Variants in PDGFRL observed in about 807,000 individuals in gnomAD.
PDGFRL encodes platelet derived growth factor receptor like.
A neutral mutation model predicts 37.2 loss-of-function variants in PDGFRL; 46 were observed. The observed-to-expected ratio is 1.24, with a 90% CI of 0.98 to 1.58. The LOEUF (loss-of-function observed/expected upper bound fraction) is 1.58, where lower values mean the gene tolerates loss of function less well. Among genes scored for constraint, PDGFRL ranks in the 40% most tolerant of loss-of-function variants. PDGFRL has a pLI of 0.00. For missense variants in PDGFRL, 692 were observed against 467.6 expected, an observed-to-expected ratio of 1.48 and a Z score of -4.43; for synonymous variants, 251 against 184.3, an observed-to-expected ratio of 1.36 and a Z score of -2.93.
intron 4 of PDGFRL, among the ~76,000 whole-genome samples, chr8:17,632,377 G>A (rs1255046072): frequency 1.3e-5 from 2 of 149,630 alleles, no homozygotes; most frequent in African/African-American, 5.0e-5. Flanking sequence ...TCTTGGCTCT[G>A]TTGCCCAGGC....
At chr8:17,617,951 C>A (rs1040727986) in intron 2 of PDGFRL, among the ~76,000 whole-genome samples, 24 of 151,852 alleles carry the variant, frequency 1.6e-4, no homozygotes, top group Non-Finnish European at 2.8e-4. Flanking sequence ...AAATTATTGT[C>A]CACATGGGGA....
intron 2 of PDGFRL, among the ~76,000 whole-genome samples, chr8:17,612,406 C>G (rs1378947126): frequency 1.3e-5 from 2 of 152,074 alleles, no homozygotes; most frequent in African/African-American, 4.8e-5. Flanking sequence ...GTGTCTCACT[C>G]TGTTGCCCAG....
chr8:17,606,334 C>T (rs933020035), intron 2 of PDGFRL, among the ~76,000 whole-genome samples: 2 of 152,058 alleles, frequency 1.3e-5, no homozygotes, highest in African/African-American at 2.4e-5. Flanking sequence ...CTCCAAAGCT[C>T]GTTTTATTTT....
chr8:17,632,853 C>T (rs1408526383), intron 4 of PDGFRL, among the ~76,000 whole-genome samples: 1 of 152,140 alleles, frequency 6.6e-6, no homozygotes, highest in African/African-American at 2.4e-5. Flanking sequence ...CTGCTGGTGT[C>T]TCCCTGCTTC....
intron 5 of PDGFRL, among the ~76,000 whole-genome samples, chr8:17,636,026 C>T (rs1054584091): frequency 6.6e-6 from 1 of 152,140 alleles, no homozygotes; most frequent in African/African-American, 2.4e-5. Flanking sequence ...AGTCCTTTTT[C>T]AGATGTATGG....
chr8:17,599,879 G>A (rs1208469765), intron 2 of PDGFRL, among the ~76,000 whole-genome samples: 1 of 152,106 alleles, frequency 6.6e-6, no homozygotes, highest in African/African-American at 2.4e-5. Context: ...AGCACTATCC[G>A]TGCCCTGGAT....
At chr8:17,600,146 C>G (rs974316841) in intron 2 of PDGFRL, among the ~76,000 whole-genome samples, 5 of 152,170 alleles carry the variant, frequency 3.3e-5, no homozygotes, top group Non-Finnish European at 7.3e-5. Flanking sequence ...TTCAATAACT[C>G]TACCTGGCTC....
chr8:17,594,896 C>T (rs1168539592), intron 2 of PDGFRL, among the ~76,000 whole-genome samples: 3 of 152,208 alleles, frequency 2.0e-5, no homozygotes, highest in Admixed American at 1.3e-4. Context: ...CTCCTTCCAC[C>T]TTCTGGCTGT....
At chr8:17,610,565 A>G (rs1804389840) in intron 2 of PDGFRL, among the ~76,000 whole-genome samples, 1 of 152,184 alleles carries the variant, frequency 6.6e-6, no homozygotes, top group Non-Finnish European at 1.5e-5. Context: ...TGAGTAACCC[A>G]TATACATCTG....
At chr8:17,585,964 T>C (rs1238538939) in intron 1 of PDGFRL, among the ~76,000 whole-genome samples, 1 of 152,158 alleles carries the variant, frequency 6.6e-6, no homozygotes, top group Non-Finnish European at 1.5e-5. Flanking sequence ...GTTTTTTCTT[T>C]TTTTTGAGAC....
At chr8:17,610,901 T>A (rs1804396969) in intron 2 of PDGFRL, among the ~76,000 whole-genome samples, 1 of 151,300 alleles carries the variant, frequency 6.6e-6, no homozygotes, top group Admixed American at 6.6e-5. Flanking sequence ...ACAGTGAGAT[T>A]CCGTCTCAAA....
At chr8:17,603,443 G>C (rs1020429152) in intron 2 of PDGFRL, among the ~76,000 whole-genome samples, 72 of 152,142 alleles carry the variant, frequency 4.7e-4, no homozygotes, top group Non-Finnish European at 1.8e-4. Flanking sequence ...ATATAAACTT[G>C]CTGATGACTG....
chr8:17,629,179 C>T (rs1239655685), intron 4 of PDGFRL, among the ~76,000 whole-genome samples: 3 of 148,362 alleles, frequency 2.0e-5, no homozygotes, highest in Non-Finnish European at 4.4e-5. Context: ...ATCCTTTGAT[C>T]TTAGCTTCCC....
intron 4 of PDGFRL, 22 bp from the exon 5 acceptor site, chr8:17,634,052 C>A (rs746190293): frequency 2.5e-6 from 4 of 1,612,638 alleles, no homozygotes; most frequent in Non-Finnish European, 3.4e-6. Context: ...TCTCACTCTG[C>A]CTGTTTCGTG....
intron 5 of PDGFRL, among the ~76,000 whole-genome samples, 200 bp from the exon 6 acceptor site, chr8:17,642,413 A>G (rs1805148975): frequency 6.6e-6 from 1 of 152,252 alleles, no homozygotes; most frequent in African/African-American, 2.4e-5. Flanking sequence ...AATGAAATTC[A>G]AGGGCTGTTT....
intron 5 of PDGFRL, among the ~76,000 whole-genome samples, chr8:17,641,807 A>C (rs1805100074): frequency 6.6e-6 from 1 of 150,574 alleles, no homozygotes; most frequent in African/African-American, 2.5e-5. Flanking sequence ...GTCTCTGGGG[A>C]ATAGTGTTTT....
At chr8:17,611,029 GACTT>G (rs1239369755) in intron 2 of PDGFRL, among the ~76,000 whole-genome samples, 6 of 152,212 alleles carry the variant, frequency 3.9e-5, no homozygotes, top group East Asian at 1.9e-4. Flanking sequence ...ATTTGGTTAG[GACTT>G]ACTTACGTAT....
intron 1 of PDGFRL, among the ~76,000 whole-genome samples, chr8:17,586,381 T>C (rs1388719187): frequency 2.0e-5 from 3 of 152,158 alleles, no homozygotes; most frequent in African/African-American, 4.8e-5. Context: ...GGCTTGGAAC[T>C]CCATGTCACA....
At chr8:17,604,705 T>A (rs191452369) in intron 2 of PDGFRL, among the ~76,000 whole-genome samples, 2 of 152,232 alleles carry the variant, frequency 1.3e-5, no homozygotes, top group Admixed American at 1.3e-4. Context: ...CTGCACGTCA[T>A]GCACATGTAC....
Sources: allele counts gnomAD v4.1 joint callset (sites outside exome capture counted in the v4.1 genomes callset), GRCh38; gene constraint gnomAD v4.1.1; transcripts MANE v1.5; gene names NCBI Gene and HGNC (gene_info 2026-07-23, HGNC 2026-07-21).